The following ACTL6A variants were observed in gnomAD, a reference collection of about 807,000 sequenced individuals.
ACTL6A encodes actin like 6A, also known as actin-like protein 6A.
A neutral mutation model predicts 59.2 loss-of-function variants in ACTL6A; 5 were observed. The observed-to-expected ratio is 0.08, with a 90% CI of 0.04 to 0.18. The LOEUF (loss-of-function observed/expected upper bound fraction) is 0.18, where lower values mean the gene tolerates loss of function less well. Among genes scored for constraint, ACTL6A ranks in the 10% least tolerant of loss-of-function variants. The pLI, the probability that ACTL6A is intolerant of heterozygous loss-of-function variation, is 1.00. For synonymous variants in ACTL6A, 154 were observed against 171.8 expected (o/e 0.90, Z 0.81); for missense variants, 285 against 526.9 (o/e 0.54, Z 4.49).
intron 4 of ACTL6A, 52 bp downstream of exon 4, chr3:179,573,521 T>TTTTTTTTTTTTC: frequency 1.9e-5 from 7 of 360,064 alleles, no homozygotes; most frequent in African/African-American, 2.4e-4. Context: ...TTTTTTTTTC[T>TTTTTTTTTTTTC]TTTTTTTTTC....
In ACTL6A at chr3:179,576,663, G is replaced by A. The variant is rs2108363157; in HGVS notation, c.615G>A (p.Gln205=). 6.2e-7 allele frequency: 1 copy of A among 1,613,892 alleles called. No homozygotes were observed. The highest frequency in any genetic ancestry group is 8.5e-7 in the Non-Finnish European group (1 of 1,179,850). The change falls in exon 7 of 14, where the codon CAG becomes CAA. Residue 205 remains glutamine, a synonymous_variant. Transcript: ENST00000429709. ...TTGCTGGAGACTTTATTACTATGCA[G>A]TGCAGAGAACTCTTCCAAGAAATGA... ...SPLAGDFITM[Q]CRELFQEMNI...
chr3:179,585,310 C>T lies in ACTL6A; in HGVS notation c.1123-1236C>T, dbSNP rs1576859900. ...AGAGATGCAGTTTCTCCGTGCTGGT[C>T]AGGCTGATCTCAAACTCCCGACCTC... On this transcript the variant is annotated intron_variant, in intron 12 of 13. Transcript: ENST00000429709. 2.0e-5 allele frequency among the ~76,000 whole-genome samples: 3 copies of T among 152,266 alleles called. No homozygotes were observed. The East Asian group carries it at 5.8e-4, about 29-fold the overall frequency.
intron 12 of ACTL6A, 62 bp from the exon 13 acceptor site, chr3:179,586,484 A>G (rs976590746): frequency 4.8e-6 from 6 of 1,254,350 alleles, no homozygotes; most frequent in Middle Eastern, 2.1e-4. Context: ...AAAAAAAAAA[A>G]AAGAATTTTC....
chr3:179,575,362 C>G (rs1036933439), intron 5 of ACTL6A: 8 of 456,378 alleles, frequency 1.8e-5, no homozygotes, highest in African/African-American at 1.6e-4. Context: ...CCTTTTACAT[C>G]ACCATCTTCC....
At chr3:179,576,452 G>A in intron 6 of ACTL6A, 141 bp downstream of exon 6, 2 of 771,660 alleles carry the variant, frequency 2.6e-6, no homozygotes, top group South Asian at 3.9e-5. Flanking sequence ...AAAATCTTTA[G>A]TATATAATGT....
At chr3:179,584,648 G>A (rs1367138081) in intron 12 of ACTL6A, among the ~76,000 whole-genome samples, 2 of 151,906 alleles carry the variant, frequency 1.3e-5, no homozygotes, top group East Asian at 1.9e-4. Context: ...AGCCGGACAC[G>A]GTGGCACGTG....
At chr3:179,571,943 C>G (rs1321758208) in intron 3 of ACTL6A, among the ~76,000 whole-genome samples, 1 of 152,184 alleles carries the variant, frequency 6.6e-6, no homozygotes, top group Non-Finnish European at 1.5e-5. Context: ...TAAGAGTCAG[C>G]CTTACAAGCA....
Position 179,562,970 on chromosome 3 carries a change from T to G in ACTL6A, c.-123T>G. The G allele has an allele frequency of 1.5e-6, 2 of 1,331,050 alleles. No homozygotes were observed. Among genetic ancestry groups the G allele is most frequent in the Non-Finnish European group, 2.1e-6 (2 of 956,810 alleles). 82.5% of individuals were successfully genotyped at this position (1,331,050 alleles called of 1,614,324 possible). On this transcript the variant is annotated 5_prime_UTR_variant, in exon 1 of 14. Transcript: ENST00000429709. ...GGTGTGTGGACGCCGCTTTGTTGCC[T>G]GAGGTGGGTGGCGGTGGAAGTTAAG...
chr3:179,568,527 C>CTT (rs35012560), intron 1 of ACTL6A, among the ~76,000 whole-genome samples: 16 of 139,992 alleles, frequency 1.1e-4, no homozygotes, highest in Admixed American at 2.8e-4. Context: ...TGCATATTTT[C>CTT]TTTTTTTTTT....
intron 1 of ACTL6A, among the ~76,000 whole-genome samples, chr3:179,564,844 A>G (rs1717783197): frequency 6.6e-6 from 1 of 151,246 alleles, no homozygotes; most frequent in African/African-American, 2.4e-5. Flanking sequence ...TCTTCGTTGT[A>G]CATTTTTTCC....
chr3:179,573,615 G>T, intron 4 of ACTL6A, 146 bp downstream of exon 4: 1 of 597,026 alleles, frequency 1.7e-6, no homozygotes, highest in Non-Finnish European at 2.8e-6. Flanking sequence ...TTAGGGAAAA[G>T]GATTAATTTT....
In ACTL6A at chr3:179,569,846, T is replaced by A. The variant is rs1717949282; in HGVS notation, c.48T>A (p.Phe16Leu). The A allele has an allele frequency of 6.2e-7, 1 of 1,614,074 alleles. No individual in the cohort carries two copies. Among genetic ancestry groups the A allele is most frequent in the Admixed American group, 1.7e-5 (1 of 60,004 alleles). The stretch of plus-strand genomic sequence containing the variant: ...CAGATGAAGTTGGAGCCCTTGTTTT[T>A]GACATTGGATCCTATACTGTGAGAG... Reference protein sequence around the residue: ...YGGDEVGALVFDIGSYTVRAG... With the variant: ...YGGDEVGALVLDIGSYTVRAG... The change falls in exon 2 of 14, where the codon TTT becomes TTA. Residue 16 changes from phenylalanine to leucine, a missense_variant. Coordinates refer to ENST00000429709, the MANE Select transcript of ACTL6A (RefSeq NM_004301.5).
intron 12 of ACTL6A, among the ~76,000 whole-genome samples, chr3:179,585,357 C>A (rs1718454685): frequency 6.6e-6 from 1 of 152,194 alleles, no homozygotes; most frequent in Non-Finnish European, 1.5e-5. Flanking sequence ...CCGCCTCGGC[C>A]TCCCAAAGTG....
intron 4 of ACTL6A, 52 bp downstream of exon 4, chr3:179,573,521 T>TTC (rs1718077318): frequency 8.3e-5 from 30 of 359,950 alleles, no homozygotes; most frequent in Middle Eastern, 7.7e-4. Context: ...TTTTTTTTTC[T>TTC]TTTTTTTTTC....
intron 4 of ACTL6A, 49 bp downstream of exon 4, chr3:179,573,518 T>C: frequency 1.6e-6 from 2 of 1,220,084 alleles, no homozygotes; most frequent in Non-Finnish European, 2.2e-6. Context: ...TTTTTTTTTT[T>C]TCTTTTTTTT....
chr3:179,571,432 C>CAAAA (rs76112974), intron 3 of ACTL6A, among the ~76,000 whole-genome samples: 2 of 59,514 alleles, frequency 3.4e-5, no homozygotes, highest in Admixed American at 1.8e-4. Context: ...AAAAAAAAAA[C>CAAAA]AAAAAAAAAA....
At chr3:179,571,078 A>G (rs538999909) in intron 3 of ACTL6A, among the ~76,000 whole-genome samples, 102 of 152,208 alleles carry the variant, frequency 6.7e-4, no homozygotes, top group Middle Eastern at 3.4e-3. Flanking sequence ...AGTACCATGC[A>G]TTGAGATAGG....
rs377253061 is a variant in ACTL6A at position 179,580,795 on chromosome 3, CCTT to C, written c.830+95_831-96del. 6.2e-4 allele frequency: 836 copies of C among 1,338,440 alleles called. 4 individuals are homozygous for C. The East Asian group carries it at 0.017, about 28-fold the overall frequency. The allele number at this position is 1,338,440 out of a possible 1,614,324, so 82.9% of individuals were successfully genotyped here. A position where few individuals can be genotyped will look rare whatever the true frequency, so the allele number is the denominator to read the frequency against. ...AATAATGTTTAAAATATTCTCACTC[CCTT>C]TTTTTTTTTTACAAGTTTATAATTC... On this transcript the variant is annotated intron_variant, in intron 9 of 13. Transcript: ENST00000429709.
In ACTL6A at chr3:179,586,608, T is replaced by C; in HGVS notation, c.1185T>C (p.Ile395=). The change falls in exon 13 of 14, where the codon ATT becomes ATC. Residue 395 remains isoleucine (I), a synonymous_variant. Coordinates refer to ENST00000429709, the MANE Select transcript of ACTL6A (RefSeq NM_004301.5). ...TGGAACGGAGGTTTAGCTCATGGAT[T>C]GGCGGCTCCATTCTAGCCTCTTTGG... The part of the protein sequence containing the change: ...TTVERRFSSW[I]GGSILASLGT... 6.2e-7 allele frequency: 1 copy of C among 1,601,756 alleles called. No homozygotes were observed. Among genetic ancestry groups the C allele is most frequent in the Non-Finnish European group, 8.5e-7 (1 of 1,176,612 alleles).
Sources: allele counts gnomAD v4.1 joint callset (sites outside exome capture counted in the v4.1 genomes callset), GRCh38; gene constraint gnomAD v4.1.1; transcripts MANE v1.5; gene names NCBI Gene and HGNC (gene_info 2026-07-23, HGNC 2026-07-21).